Variants in MYO10 observed in about 807,000 individuals in gnomAD.
MYO10 encodes unconventional myosin-X.
In MYO10, 133 loss-of-function variants were observed where a neutral mutation model predicts 257.3. That is an observed-to-expected ratio of 0.52 (90% CI 0.45 to 0.60). The LOEUF is 0.60. MYO10 is among the 20% of genes least tolerant of loss of function. MYO10 has a pLI of 0.00. For synonymous variants in MYO10, 1,104 were observed against 1,028.6 expected (o/e 1.07, Z -1.40); for missense variants, 2,399 against 2,635.7 (o/e 0.91, Z 1.97).
chr5:16,769,202 G>T lies in MYO10; in HGVS notation c.932C>A (p.Thr311Lys). 1 of 1,595,980 alleles carries T rather than the reference G, an allele frequency of 6.3e-7. No individual in the cohort carries two copies. Among genetic ancestry groups the T allele is most frequent in the East Asian group, 2.3e-5 (1 of 44,106 alleles). The stretch of plus-strand genomic sequence containing the variant: ...GCTGAACTGCATCACGTCCATTGCC[G>T]TCTAGAAGAAAATAAATGTATTTAA... Reference protein sequence around the residue: ...SDQESFREVITAMDVMQFSKE... With the variant: ...SDQESFREVIKAMDVMQFSKE... Residue 311 changes from threonine (T) to lysine (K), a missense_variant and splice_region_variant, in exon 10 of 41, where the codon ACG becomes AAG. Thr to Lys is a moderately conservative substitution (Grantham distance 78, BLOSUM62 -1). Around this residue, in one of 3 missense-constraint regions of MYO10, gnomAD observed 337 missense variants for 446.8 expected, o/e 0.75. Transcript: ENST00000513610.
intron 40 of MYO10, among the ~76,000 whole-genome samples, chr5:16,667,915 C>T (rs1391938770): frequency 6.6e-6 from 1 of 152,184 alleles, no homozygotes; most frequent in East Asian, 1.9e-4. Flanking sequence ...AGAGCCGAGT[C>T]TCACAGCTGT....
chr5:16,674,633 T>G (rs1280953290), intron 35 of MYO10, among the ~76,000 whole-genome samples: 1 of 151,828 alleles, frequency 6.6e-6, no homozygotes, highest in Non-Finnish European at 1.5e-5. Context: ...ATTAGGACAT[T>G]ACACCAACGG....
At chr5:16,735,497 G>C (rs111644938) in intron 19 of MYO10, among the ~76,000 whole-genome samples, 1 of 152,020 alleles carries the variant, frequency 6.6e-6, no homozygotes, top group African/African-American at 2.4e-5. Flanking sequence ...TTGAGCCCAG[G>C]AGTTCGAGAT....
chr5:16,812,217 A>C (rs1742463110), intron 3 of MYO10, among the ~76,000 whole-genome samples: 1 of 150,914 alleles, frequency 6.6e-6, no homozygotes, highest in Admixed American at 6.6e-5. Flanking sequence ...AAGATTGATG[A>C]GGGGAAGTCT....
intron 3 of MYO10, among the ~76,000 whole-genome samples, chr5:16,809,703 C>T (rs965912538): frequency 2.0e-5 from 3 of 152,216 alleles, no homozygotes; most frequent in African/African-American, 7.2e-5. Flanking sequence ...AATACATTAG[C>T]TGTGAAGCAT....
intron 2 of MYO10, among the ~76,000 whole-genome samples, chr5:16,862,771 A>G (rs1033931927): frequency 1.3e-5 from 2 of 152,204 alleles, no homozygotes; most frequent in Non-Finnish European, 2.9e-5. Context: ...CCTTCAATTT[A>G]AATTTTCAAA....
At position 16,935,915 on chromosome 5, in the gene MYO10, C is replaced by T; in HGVS notation, c.-107G>A. ...CGTGTCACGGCGCCACTCCCGAGGACGCGCGCCCGCGGGGCTCCCCTGCTG... is the reference window on the plus strand; with the variant it reads ...CGTGTCACGGCGCCACTCCCGAGGATGCGCGCCCGCGGGGCTCCCCTGCTG... On this transcript the variant is annotated 5_prime_UTR_variant, in exon 1 of 41. Coordinates refer to ENST00000513610, the MANE Select transcript of MYO10 (RefSeq NM_012334.3). The T allele has an allele frequency of 7.1e-7, 1 of 1,404,246 alleles. No individual in the cohort carries two copies. The highest frequency in any genetic ancestry group is 2.2e-4 in the Middle Eastern group (1 of 4,584). 87.0% of individuals were successfully genotyped at this position (1,404,246 alleles called of 1,614,324 possible). A position where few individuals can be genotyped will look rare whatever the true frequency, so the allele number is the denominator to read the frequency against.
At chr5:16,801,573 C>T (rs1742121552) in intron 3 of MYO10, among the ~76,000 whole-genome samples, 1 of 152,096 alleles carries the variant, frequency 6.6e-6, no homozygotes, top group Non-Finnish European at 1.5e-5. Flanking sequence ...AATGTAGGTG[C>T]TACTGCTGTG....
chr5:16,852,715 T>A lies in MYO10; in HGVS notation c.120+24894A>T, dbSNP rs142606941. Among the ~76,000 whole-genome samples, 365 of 152,158 alleles carry A rather than the reference T, an allele frequency of 2.4e-3. 1 individual carries two copies. The highest frequency in any genetic ancestry group is 4.2e-3 in the Non-Finnish European group (284 of 68,016). ...CTCCCTATTCTTCTGTTTTCTCATG[T>A]GACTTTGATCAAAGCGCTCTGGACT... On this transcript the variant is annotated intron_variant, in intron 2 of 40. Coordinates refer to ENST00000513610, the MANE Select transcript of MYO10 (RefSeq NM_012334.3).
chr5:16,710,607 A>G (rs924775353), intron 21 of MYO10: 1 of 381,410 alleles, frequency 2.6e-6, no homozygotes, highest in Non-Finnish European at 4.9e-6. Context: ...CTTCCAAAGT[A>G]CTGTTATTCG....
chr5:16,735,674 C>T (rs1468039017), intron 19 of MYO10, among the ~76,000 whole-genome samples: 1 of 141,842 alleles, frequency 7.1e-6, no homozygotes, highest in Non-Finnish European at 1.5e-5. Flanking sequence ...GCCTAGGCGA[C>T]AGAGCCTCGG....
At chr5:16,935,733 C>G (rs1390716597) in intron 1 of MYO10, 55 bp downstream of exon 1, 1 of 1,607,820 alleles carries the variant, frequency 6.2e-7, no homozygotes, top group South Asian at 1.1e-5. Context: ...GCGTGGTGGG[C>G]AGACGCCTCT....
rs916300241 is a variant in MYO10 at position 16,665,295 on chromosome 5, C to T, written c.*1397G>A. The T allele has an allele frequency of 3.3e-5, 5 of 152,000 alleles. No homozygotes were observed. The highest frequency in any genetic ancestry group is 5.9e-5 in the Non-Finnish European group (4 of 68,020). The allele number at this position is 152,000 out of a possible 1,614,324, so 9.4% of individuals were successfully genotyped here. ...AGCCTCCTCTGATAAAGGAAACACACAGCGTGTTAGCTAGTATCTTTTATT... is the reference window on the plus strand; with the variant it reads ...AGCCTCCTCTGATAAAGGAAACACATAGCGTGTTAGCTAGTATCTTTTATT... On this transcript the variant is annotated 3_prime_UTR_variant, in exon 41 of 41. Transcript: ENST00000513610.
chr5:16,671,523 C>G lies in MYO10; in HGVS notation c.5329G>C (p.Val1777Leu). The change falls in exon 38 of 41, where the codon GTT (valine) becomes CTT (leucine). Residue 1777 changes from valine to leucine, a missense_variant. By Grantham distance (32) the Val-to-Leu change is conservative. Around this residue, in one of 3 missense-constraint regions of MYO10, gnomAD observed 1,820 missense variants for 1,939.4 expected, o/e 0.94. Coordinates refer to ENST00000513610, the MANE Select transcript of MYO10 (RefSeq NM_012334.3). ...KFEKLAATSE[V>L]GDLPWKFYFK... Reference sequence around the variant, plus strand: ...TAGAATTTCCATGGCAGGTCCCCAACCTCGGATGTGGCAGCCAGCCTACAG... The same window carrying G: ...TAGAATTTCCATGGCAGGTCCCCAAGCTCGGATGTGGCAGCCAGCCTACAG... 1 of 1,613,970 alleles carries G rather than the reference C, an allele frequency of 6.2e-7. No individual in the cohort carries two copies. The highest frequency in any genetic ancestry group is 8.5e-7 in the Non-Finnish European group (1 of 1,179,878).
chr5:16,903,680 T>C (rs1220406523), intron 1 of MYO10, among the ~76,000 whole-genome samples: 2 of 152,312 alleles, frequency 1.3e-5, no homozygotes, highest in South Asian at 2.1e-4. Flanking sequence ...GCACCTGGCA[T>C]AGAGAACTGC....
chr5:16,741,338 G>T (rs1740011443), intron 19 of MYO10, among the ~76,000 whole-genome samples: 1 of 152,122 alleles, frequency 6.6e-6, no homozygotes, highest in Non-Finnish European at 1.5e-5. Context: ...ACTTGCGTAT[G>T]AACAGGTTTA....
chr5:16,864,476 T>A (rs902070986), intron 2 of MYO10, among the ~76,000 whole-genome samples: 4 of 152,160 alleles, frequency 2.6e-5, no homozygotes, highest in Non-Finnish European at 5.9e-5. Flanking sequence ...ATACACACCT[T>A]GTATTCAGAG....
At chr5:16,788,793 G>A (rs116173494) in intron 4 of MYO10, among the ~76,000 whole-genome samples, 1 of 152,232 alleles carries the variant, frequency 6.6e-6, no homozygotes, top group Non-Finnish European at 1.5e-5. Context: ...GGGGGCGTGG[G>A]GGCAGCTTGC....
chr5:16,905,694 G>A (rs1745501026), intron 1 of MYO10, among the ~76,000 whole-genome samples: 1 of 152,162 alleles, frequency 6.6e-6, no homozygotes, highest in Admixed American at 6.5e-5. Context: ...GGCTCTCAAC[G>A]ACCCAGTGAC....
Sources: gnomAD v4.1 joint callset for allele counts (sites outside exome capture counted in the v4.1 genomes callset) on GRCh38, gnomAD v4.1.1 for gene constraint, gnomAD v4.1.1 regional missense constraint, MANE v1.5 for transcripts, NCBI Gene and HGNC (gene_info 2026-07-23, HGNC 2026-07-21) for gene names.